The following ATP6V0A2 variants were observed in gnomAD, a reference collection of about 807,000 sequenced individuals.
ATP6V0A2 encodes V-type proton ATPase 116 kDa subunit a 2.
In ATP6V0A2, 58 loss-of-function variants were observed where a neutral mutation model predicts 104.4. The observed-to-expected ratio is 0.56, with a 90% CI of 0.45 to 0.69. The LOEUF is 0.69. Among genes scored for constraint, ATP6V0A2 ranks in the 30% least tolerant of loss-of-function variants. The pLI, the probability that ATP6V0A2 is intolerant of heterozygous loss-of-function variation, is 0.00. For missense variants in ATP6V0A2, 938 were observed against 1,062.9 expected, an observed-to-expected ratio of 0.88 and a Z score of 1.63; for synonymous variants, 376 against 397.9, an observed-to-expected ratio of 0.95 and a Z score of 0.65.
chr12:123,716,563 G>A (rs1423914307), intron 1 of ATP6V0A2, among the ~76,000 whole-genome samples: 8 of 152,112 alleles, frequency 5.3e-5, no homozygotes, highest in Non-Finnish European at 8.8e-5. Flanking sequence ...GGCTGAGGCA[G>A]CCACATCACT....
intron 1 of ATP6V0A2, among the ~76,000 whole-genome samples, chr12:123,714,188 ACTATG>A (rs1350508954): frequency 5.3e-5 from 8 of 152,230 alleles, no homozygotes; most frequent in Non-Finnish European, 1.0e-4. Context: ...CGTACTAATC[ACTATG>A]AAGGTTCCAG....
At chr12:123,722,793 C>T (rs544012205) in intron 3 of ATP6V0A2, among the ~76,000 whole-genome samples, 22 of 152,228 alleles carry the variant, frequency 1.4e-4, no homozygotes, top group African/African-American at 5.1e-4. Context: ...CCCAGGGTCA[C>T]CCATGCCTTA....
At chr12:123,717,841 G>A (rs752732083) in intron 1 of ATP6V0A2, among the ~76,000 whole-genome samples, 1 of 152,006 alleles carries the variant, frequency 6.6e-6, no homozygotes. Flanking sequence ...GATTGATGTT[G>A]TCATAGATTT....
intron 10 of ATP6V0A2, 52 bp downstream of exon 10, chr12:123,743,987 C>T (rs773207283): frequency 6.2e-7 from 1 of 1,607,624 alleles, no homozygotes. Flanking sequence ...TTGTTGCATT[C>T]TTGCTCTAAG....
At chr12:123,719,576 G>A (rs1243066356) in intron 2 of ATP6V0A2, among the ~76,000 whole-genome samples, 1 of 151,752 alleles carries the variant, frequency 6.6e-6, no homozygotes, top group Non-Finnish European at 1.5e-5. Flanking sequence ...TAGTAGAGAT[G>A]GGGTTTTACC....
At chr12:123,713,021 G>A (rs1322460887) in intron 1 of ATP6V0A2, among the ~76,000 whole-genome samples, 3 of 152,136 alleles carry the variant, frequency 2.0e-5, no homozygotes, top group Admixed American at 2.0e-4. Context: ...GGGTTAGGGG[G>A]GCGCATTAAC....
chr12:123,720,090 T>G (rs1956384852), intron 2 of ATP6V0A2, among the ~76,000 whole-genome samples: 1 of 152,114 alleles, frequency 6.6e-6, no homozygotes, highest in Non-Finnish European at 1.5e-5. Context: ...TGACCTCAGG[T>G]GATCCACTGG....
chr12:123,757,134 T>C, intron 19 of ATP6V0A2, 148 bp downstream of exon 19: 1 of 993,722 alleles, frequency 1.0e-6, no homozygotes, highest in South Asian at 1.4e-5. Context: ...TGTGTTCATA[T>C]CCTCTGAGTT....
In ATP6V0A2 at chr12:123,758,666, A is replaced by G. The variant is rs952402952; in HGVS notation, c.*634A>G. ...CTCCCGAGTAACTGGGATTACAGGCATGCGCCACCGTGACCAGCTAATTTT... is the reference window on the plus strand; with the variant it reads ...CTCCCGAGTAACTGGGATTACAGGCGTGCGCCACCGTGACCAGCTAATTTT... On this transcript the variant is annotated 3_prime_UTR_variant, in exon 20 of 20. Transcript: ENST00000330342. The G allele has an allele frequency of 6.6e-6, 1 of 152,020 alleles. No individual in the cohort carries two copies. The highest frequency in any genetic ancestry group is 1.5e-5 in the Non-Finnish European group (1 of 68,080). 9.4% of individuals were successfully genotyped at this position (152,020 alleles called of 1,614,324 possible).
intron 9 of ATP6V0A2, among the ~76,000 whole-genome samples, chr12:123,743,318 G>T (rs1956626858): frequency 6.6e-6 from 1 of 152,160 alleles, no homozygotes; most frequent in Admixed American, 6.5e-5. Flanking sequence ...CTGTTGAGTG[G>T]AGATTAATCC....
intron 6 of ATP6V0A2, among the ~76,000 whole-genome samples, chr12:123,729,156 A>C (rs1341932696): frequency 6.6e-6 from 1 of 151,898 alleles, no homozygotes; most frequent in Non-Finnish European, 1.5e-5. Context: ...TTTGATATTC[A>C]CATTCTCCTA....
chr12:123,755,826 T>C (rs1026269308), intron 18 of ATP6V0A2, among the ~76,000 whole-genome samples: 6 of 152,078 alleles, frequency 3.9e-5, no homozygotes, highest in African/African-American at 1.4e-4. Context: ...CTCACGCCTG[T>C]AATCCCAGCA....
chr12:123,713,809 C>T (rs1956315088), intron 1 of ATP6V0A2, among the ~76,000 whole-genome samples: 1 of 152,154 alleles, frequency 6.6e-6, no homozygotes, highest in African/African-American at 2.4e-5. Context: ...GACTGTTTCC[C>T]TTAATCTTCC....
chr12:123,722,689 G>C (rs77912715), intron 3 of ATP6V0A2, among the ~76,000 whole-genome samples: 2 of 152,236 alleles, frequency 1.3e-5, no homozygotes, highest in East Asian at 3.9e-4. Context: ...TTCCTTTCCA[G>C]GTGGTGGTGA....
At position 123,752,373 on chromosome 12, in the gene ATP6V0A2, G is replaced by A. The variant is rs1462135626; in HGVS notation, c.2146G>A (p.Asp716Asn). ...AGAAGAGGGAAATCACCAGGTGGAA[G>A]ATGGATGTAGAGAAATGGCGTGTGA... The part of the protein sequence containing the change: ...DIEEGNHQVE[D>N]GCREMACEEF... Residue 716 changes from aspartate to asparagine, a missense_variant, in exon 17 of 20, where the codon GAT (aspartate) becomes AAT (asparagine). Coordinates refer to ENST00000330342, the MANE Select transcript of ATP6V0A2 (RefSeq NM_012463.4). 6.2e-7 allele frequency: 1 copy of A among 1,614,038 alleles called. No individual in the cohort carries two copies. Among genetic ancestry groups the A allele is most frequent in the Admixed American group, 1.7e-5 (1 of 59,996 alleles).
At chr12:123,743,452 G>A (rs1029023238) in intron 9 of ATP6V0A2, among the ~76,000 whole-genome samples, 8 of 152,244 alleles carry the variant, frequency 5.3e-5, no homozygotes, top group Admixed American at 1.3e-4. Flanking sequence ...TCGGGAGTTC[G>A]AGACCAGCCT....
chr12:123,733,745 G>A (rs866581023), intron 6 of ATP6V0A2, 181 bp from the exon 7 acceptor site: 24 of 610,034 alleles, frequency 3.9e-5, no homozygotes, highest in South Asian at 1.9e-4. Context: ...GAAGCGCTCC[G>A]TGGATTGGTT....
intron 18 of ATP6V0A2, among the ~76,000 whole-genome samples, chr12:123,755,714 A>G (rs1437077290): frequency 6.6e-6 from 1 of 151,602 alleles, no homozygotes; most frequent in Non-Finnish European, 1.5e-5. Flanking sequence ...AGACTTTAAT[A>G]CTCAGTGCTT....
chr12:123,724,759 G>A lies in ATP6V0A2; in HGVS notation c.400G>A (p.Val134Met). 2 of 1,613,806 alleles carry A rather than the reference G, an allele frequency of 1.2e-6. No homozygotes were observed. Among genetic ancestry groups the A allele is most frequent in the Non-Finnish European group, 1.7e-6 (2 of 1,179,830 alleles). The change falls in exon 4 of 20, where the codon GTG becomes ATG. Residue 134 changes from valine to methionine, a missense_variant. Coordinates refer to ENST00000330342, the MANE Select transcript of ATP6V0A2 (RefSeq NM_012463.4). ...GATAGAGTACACTCACATGCTGAGA[G>A]TGACAAAGACCTTTGTGAAACGCAA... Reference protein sequence around the residue: ...ELIEYTHMLRVTKTFVKRNVE... With the variant: ...ELIEYTHMLRMTKTFVKRNVE...
Sources: gnomAD v4.1 joint callset for allele counts (sites outside exome capture counted in the v4.1 genomes callset) on GRCh38, gnomAD v4.1.1 for gene constraint, MANE v1.5 for transcripts, NCBI Gene and HGNC (gene_info 2026-07-23, HGNC 2026-07-21) for gene names.